SCNN1B: variants seen among roughly 807,000 people sequenced by gnomAD.
SCNN1B encodes the protein sodium channel epithelial 1 subunit beta.
SCNN1B carries 46 observed loss-of-function variants against 65.3 expected under a neutral mutation model. The observed-to-expected ratio is 0.70, with a 90% CI of 0.56 to 0.90. The LOEUF is 0.90. SCNN1B is among the 40% of genes least tolerant of loss of function. The pLI is 0.00. For missense variants in SCNN1B, 751 were observed against 830.5 expected (o/e 0.90, Z 1.18); for synonymous variants, 349 against 330.6 (o/e 1.06, Z -0.60).
intron 7 of SCNN1B, 90 bp from the exon 8 acceptor site, chr16:23,375,648 C>A: frequency 1.1e-6 from 1 of 924,150 alleles, no homozygotes; most frequent in Non-Finnish European, 1.8e-6. Flanking sequence ...TTAACTTGGG[C>A]ATCACTTCTC....
At position 23,371,858 on chromosome 16, in the gene SCNN1B, A is replaced by G; in HGVS notation, c.1127A>G (p.Asp376Gly). The stretch of plus-strand genomic sequence containing the variant: ...GTCCCCGTCCAAAACTTCTACAGTG[A>G]CTACAACACGACCTACTCCATCCAG... ...SEVPVQNFYS[D>G]YNTTYSIQAC... Residue 376 changes from aspartate to glycine, a missense_variant, in exon 7 of 13, where the codon GAC (aspartate) becomes GGC (glycine). Physicochemically the swap from Asp to Gly is moderately conservative, Grantham distance 94 (BLOSUM62 -1). Transcript: ENST00000343070. The G allele has an allele frequency of 1.9e-6, 3 of 1,613,950 alleles. No individual in the cohort carries two copies. The highest frequency in any genetic ancestry group is 2.5e-6 in the Non-Finnish European group (3 of 1,179,772).
At chr16:23,373,449 C>T (rs1962826224) in intron 7 of SCNN1B, among the ~76,000 whole-genome samples, 1 of 152,212 alleles carries the variant, frequency 6.6e-6, no homozygotes, top group Admixed American at 6.5e-5. Flanking sequence ...TTGCATCTGC[C>T]TTCAATCCCC....
intron 4 of SCNN1B, among the ~76,000 whole-genome samples, chr16:23,365,796 C>G (rs1243110125): frequency 6.6e-6 from 1 of 152,190 alleles, no homozygotes; most frequent in East Asian, 1.9e-4. Flanking sequence ...CTTCCTGCTT[C>G]CCCTTGCACC....
At chr16:23,327,880 G>A (rs1357320598) in intron 1 of SCNN1B, among the ~76,000 whole-genome samples, 1 of 152,180 alleles carries the variant, frequency 6.6e-6, no homozygotes, top group East Asian at 1.9e-4. Flanking sequence ...TAAACAGGAA[G>A]GTTTTCCTCA....
At chr16:23,287,787 G>A (rs1960870609) in intron 2 of SCNN1B, among the ~76,000 whole-genome samples, 1 of 151,046 alleles carries the variant, frequency 6.6e-6, no homozygotes, top group African/African-American at 2.4e-5. Context: ...GTGACATGAT[G>A]GTATTGTAAC....
intron 1 of SCNN1B, among the ~76,000 whole-genome samples, chr16:23,279,803 A>G (rs988850261): frequency 6.6e-6 from 1 of 152,164 alleles, no homozygotes; most frequent in Non-Finnish European, 1.5e-5. Context: ...GGAGCCAGGC[A>G]GGGCCGGGCT....
chr16:23,297,491 C>T (rs1961014458), upstream of SCNN1B, among the ~76,000 whole-genome samples: 1 of 152,142 alleles, frequency 6.6e-6, no homozygotes, highest in African/African-American at 2.4e-5. Flanking sequence ...GGGCTAACTT[C>T]TGGTATGTTT....
chr16:23,337,260 C>A (rs954773166), intron 1 of SCNN1B, among the ~76,000 whole-genome samples: 4 of 152,056 alleles, frequency 2.6e-5, no homozygotes, highest in Non-Finnish European at 4.4e-5. Flanking sequence ...CAATATGTTA[C>A]CTGGGCTGGT....
At position 23,372,573 on chromosome 16, in the gene SCNN1B, C is replaced by T. The variant is rs562015080; in HGVS notation, c.1152+690C>T. ...GCGGTGGCGTGATATTGGCTCACTG[C>T]AACCTCCGCCTCCCAGGTTCAAGCA... is the stretch of plus-strand genomic sequence containing the variant. On this transcript the variant is annotated intron_variant, in intron 7 of 12. Transcript: ENST00000343070. Among the ~76,000 whole-genome samples the T allele has an allele frequency of 4.2e-4, 64 of 150,986 alleles. 2 individuals carry two copies. In the Middle Eastern group the frequency reaches 0.01, roughly 24 times the overall value.
intron 7 of SCNN1B, among the ~76,000 whole-genome samples, chr16:23,374,186 A>C (rs567806033): frequency 6.8e-6 from 1 of 147,664 alleles, no homozygotes; most frequent in Admixed American, 6.9e-5. Context: ...GGATCACTTG[A>C]GCCCAAGAGT....
At chr16:23,355,185 C>G in intron 3 of SCNN1B, 114 bp from the exon 4 acceptor site, 1 of 1,042,604 alleles carries the variant, frequency 9.6e-7, no homozygotes, top group Non-Finnish European at 1.5e-6. Context: ...AAGTTGCAGC[C>G]AGAAAGGTGG....
At chr16:23,362,517 T>G (rs910043579) in intron 4 of SCNN1B, among the ~76,000 whole-genome samples, 3 of 152,320 alleles carry the variant, frequency 2.0e-5, no homozygotes, top group African/African-American at 7.2e-5. Flanking sequence ...TAGGATGCTC[T>G]ATTTCCCAGT....
At chr16:23,352,069 A>G (rs183135481) in intron 2 of SCNN1B, among the ~76,000 whole-genome samples, 1 of 152,314 alleles carries the variant, frequency 6.6e-6, no homozygotes, top group East Asian at 1.9e-4. Flanking sequence ...AGCACCTAGC[A>G]CCTGGCACAT....
At chr16:23,379,184 C>T (rs56400034) in intron 11 of SCNN1B, among the ~76,000 whole-genome samples, 3,274 of 138,664 alleles carry the variant, frequency 0.024, 67 homozygotes, top group Middle Eastern at 0.041. Flanking sequence ...CATCCTCCAC[C>T]CATTCATCCC....
In SCNN1B at chr16:23,377,310, G is replaced by C. The variant is rs774934990; in HGVS notation, c.1347-19G>C. On this transcript the variant is annotated intron_variant, in intron 9 of 12. Transcript: ENST00000343070. ...GCATCACTGGCAGGGACCACAACAG[G>C]CCTGGCCTTCTCTTTCAGTGACACC... 6.2e-7 allele frequency: 1 copy of C among 1,614,204 alleles called. No homozygotes were observed. Among genetic ancestry groups the C allele is most frequent in the Admixed American group, 1.7e-5 (1 of 60,032 alleles).
chr16:23,365,605 GAAAGAAAGAAAGAAA>G (rs138549303), intron 4 of SCNN1B, among the ~76,000 whole-genome samples: 47,960 of 133,436 alleles, frequency 0.36, 9,093 homozygotes, highest in Middle Eastern at 0.51. Context: ...AAGAAAGAAA[GAAAGAAAGAAAGAAA>G]AAAGAAAGAA....
At chr16:23,342,168 G>A (rs1962067606) in intron 1 of SCNN1B, among the ~76,000 whole-genome samples, 1 of 152,146 alleles carries the variant, frequency 6.6e-6, no homozygotes, top group Non-Finnish European at 1.5e-5. Flanking sequence ...AAGAAATGAA[G>A]CACTAATACA....
chr16:23,332,555 T>A (rs1250452575), intron 1 of SCNN1B, among the ~76,000 whole-genome samples: 1 of 152,010 alleles, frequency 6.6e-6, no homozygotes, highest in African/African-American at 2.4e-5. Flanking sequence ...GATCTCGTAC[T>A]CCTAAGCTCA....
intron 1 of SCNN1B, among the ~76,000 whole-genome samples, chr16:23,304,995 T>TG (rs1311136419): frequency 6.6e-6 from 1 of 151,910 alleles, no homozygotes; most frequent in African/African-American, 2.4e-5. Flanking sequence ...CCTTGGGTGG[T>TG]GGGGGGACGC....
Sources: gnomAD v4.1 joint callset for allele counts (sites outside exome capture counted in the v4.1 genomes callset) on GRCh38, gnomAD v4.1.1 for gene constraint, MANE v1.5 for transcripts, NCBI Gene and HGNC (gene_info 2026-07-23, HGNC 2026-07-21) for gene names.